Variants in IMPG1 observed in about 807,000 individuals in gnomAD.
The protein encoded by IMPG1 is interphotoreceptor matrix proteoglycan of 150 kDa.
A neutral mutation model predicts 92.0 loss-of-function variants in IMPG1; 85 were observed. The ratio of observed to expected loss-of-function variants is 0.92; its 90% CI spans 0.78 to 1.11. IMPG1 has a LOEUF of 1.11. Among genes scored for constraint, IMPG1 ranks in the 50% least tolerant of loss-of-function variants. The pLI is 0.00. For synonymous variants in IMPG1, 367 were observed against 334.1 expected, an observed-to-expected ratio of 1.10 and a Z score of -1.08; for missense variants, 1,022 against 956.0, an observed-to-expected ratio of 1.07 and a Z score of -0.91.
At chr6:75,942,816 G>A (rs912470438) in intron 14 of IMPG1, among the ~76,000 whole-genome samples, 17 of 152,260 alleles carry the variant, frequency 1.1e-4, no homozygotes, top group South Asian at 1.0e-3. Context: ...CACATTTTCC[G>A]TTAATGTGTT....
At chr6:76,019,960 A>G (rs1783387400) in intron 6 of IMPG1, among the ~76,000 whole-genome samples, 1 of 152,216 alleles carries the variant, frequency 6.6e-6, no homozygotes, top group African/African-American at 2.4e-5. Context: ...TAGTGAATAT[A>G]TACTGAATTA....
At chr6:75,982,603 GTATA>G (rs995938392) in intron 12 of IMPG1, among the ~76,000 whole-genome samples, 11 of 148,704 alleles carry the variant, frequency 7.4e-5, no homozygotes, top group African/African-American at 2.8e-4. Context: ...ATATGTGTGT[GTATA>G]TATATATGTG....
At chr6:76,019,404 G>C (rs1426915480) in intron 6 of IMPG1, among the ~76,000 whole-genome samples, 2 of 152,228 alleles carry the variant, frequency 1.3e-5, no homozygotes, top group African/African-American at 4.8e-5. Flanking sequence ...TATCTCTGCG[G>C]AAAATTGAAT....
At chr6:76,034,957 T>TA (rs1423989930) in intron 2 of IMPG1, among the ~76,000 whole-genome samples, 170 bp from the exon 3 acceptor site, 1 of 152,092 alleles carries the variant, frequency 6.6e-6, no homozygotes. Flanking sequence ...TACTATATGC[T>TA]ATGGAGAAAA....
At chr6:75,982,328 G>A (rs1047341845) in intron 12 of IMPG1, among the ~76,000 whole-genome samples, 1 of 151,926 alleles carries the variant, frequency 6.6e-6, no homozygotes, top group Non-Finnish European at 1.5e-5. Flanking sequence ...GGATCACAAG[G>A]TCAGGAGTTC....
chr6:75,972,268 A>G (rs1301978461), intron 12 of IMPG1, among the ~76,000 whole-genome samples: 1 of 152,148 alleles, frequency 6.6e-6, no homozygotes, highest in Non-Finnish European at 1.5e-5. Flanking sequence ...GTTCCCTCCC[A>G]ACCAACATGC....
intron 5 of IMPG1, among the ~76,000 whole-genome samples, chr6:76,023,669 G>C (rs906718586): frequency 4.6e-5 from 7 of 152,020 alleles, no homozygotes; most frequent in African/African-American, 1.7e-4. Context: ...AACATTTGTT[G>C]CTAGAACTTA....
At chr6:75,974,357 TTCTTTC>T (rs1403939261) in intron 12 of IMPG1, among the ~76,000 whole-genome samples, 2 of 122,452 alleles carry the variant, frequency 1.6e-5, no homozygotes, top group Admixed American at 1.8e-4. Context: ...CTTTCTTTCT[TTCTTTC>T]TTTCTTTCTT....
chr6:76,046,233 T>A (rs941119733), intron 1 of IMPG1, among the ~76,000 whole-genome samples: 3 of 152,186 alleles, frequency 2.0e-5, no homozygotes, highest in African/African-American at 7.2e-5. Flanking sequence ...TTTCCCTACT[T>A]TAGGTAGTTC....
intron 12 of IMPG1, among the ~76,000 whole-genome samples, chr6:75,956,569 G>A (rs1397412183): frequency 6.6e-6 from 1 of 151,988 alleles, no homozygotes; most frequent in African/African-American, 2.4e-5. Context: ...ATTTTTTGAA[G>A]TGCTTTTCAT....
intron 1 of IMPG1, among the ~76,000 whole-genome samples, chr6:76,059,945 C>T (rs947319367): frequency 3.3e-5 from 5 of 152,246 alleles, no homozygotes; most frequent in Non-Finnish European, 7.4e-5. Flanking sequence ...TTTATAAATG[C>T]AGCAGGAAGC....
At chr6:76,031,750 C>A (rs1173436486) in intron 4 of IMPG1, among the ~76,000 whole-genome samples, 1 of 152,018 alleles carries the variant, frequency 6.6e-6, no homozygotes, top group Non-Finnish European at 1.5e-5. Flanking sequence ...CATCTCCTTC[C>A]CTGTCTTGCT....
At chr6:75,980,733 GT>G (rs1782613074) in intron 12 of IMPG1, among the ~76,000 whole-genome samples, 1 of 152,186 alleles carries the variant, frequency 6.6e-6, no homozygotes, top group African/African-American at 2.4e-5. Flanking sequence ...TACTTTTGAG[GT>G]TTTGGAACTC....
chr6:76,025,962 G>C (rs556183358), intron 4 of IMPG1, among the ~76,000 whole-genome samples: 1 of 152,098 alleles, frequency 6.6e-6, no homozygotes, highest in Non-Finnish European at 1.5e-5. Flanking sequence ...GGTGGGAGGA[G>C]GTCCCCCCAA....
intron 7 of IMPG1, among the ~76,000 whole-genome samples, chr6:76,012,966 C>T (rs1783215932): frequency 6.6e-6 from 1 of 152,032 alleles, no homozygotes; most frequent in South Asian, 2.1e-4. Context: ...GCCACCGACT[C>T]TGGTTGGTTT....
intron 12 of IMPG1, among the ~76,000 whole-genome samples, chr6:76,002,417 A>C (rs1452866076): frequency 1.3e-5 from 2 of 152,208 alleles, no homozygotes; most frequent in African/African-American, 4.8e-5. Context: ...TTTTACTTAC[A>C]CATGTGCTAA....
chr6:75,924,684 TTA>T (rs1562335164), intron 15 of IMPG1, among the ~76,000 whole-genome samples: 65 of 4,728 alleles, frequency 0.014, 7 homozygotes, highest in South Asian at 0.043. Context: ...ATATTATATA[TTA>T]TATATAAATA....
intron 4 of IMPG1, among the ~76,000 whole-genome samples, chr6:76,031,638 C>G (rs1582117891): frequency 6.6e-6 from 1 of 152,174 alleles, no homozygotes; most frequent in Non-Finnish European, 1.5e-5. Context: ...TTTAACAACT[C>G]TCGTTATATC....
intron 7 of IMPG1, among the ~76,000 whole-genome samples, chr6:76,013,247 A>T (rs1582104081): frequency 6.6e-6 from 1 of 151,262 alleles, no homozygotes; most frequent in South Asian, 2.1e-4. Context: ...GGCATTTAAG[A>T]CCCTCCAGAA....
Sources: allele counts gnomAD v4.1 joint callset (sites outside exome capture counted in the v4.1 genomes callset), GRCh38; gene constraint gnomAD v4.1.1; transcripts MANE v1.5; gene names NCBI Gene and HGNC (gene_info 2026-07-23, HGNC 2026-07-21).